UGT2B17: variants seen among roughly 807,000 people sequenced by gnomAD.
UGT2B17 encodes the protein UDP-glucuronosyltransferase 2B17.
Under a neutral mutation model 48.2 loss-of-function variants are expected in UGT2B17, and 21 were observed. The ratio of observed to expected loss-of-function variants is 0.44; its 90% CI spans 0.31 to 0.63. UGT2B17 has a LOEUF of 0.63. UGT2B17 is among the 20% of genes least tolerant of loss of function. The pLI is 0.08. For synonymous variants in UGT2B17, 146 were observed against 238.4 expected (o/e 0.61, Z 3.57); for missense variants, 402 against 696.1 (o/e 0.58, Z 4.75).
At chr4:68,573,369 GTT>G (rs751304664) in intron 1 of UGT2B17, among the ~76,000 whole-genome samples, 6 of 112,214 alleles carry the variant, frequency 5.3e-5, no homozygotes, top group Non-Finnish European at 7.3e-5. Flanking sequence ...GCCGACATGA[GTT>G]TTTTTTTTTT....
intron 1 of UGT2B17, 40 bp from the exon 2 acceptor site, chr4:68,568,588 A>G (rs1731249426): frequency 3.4e-6 from 4 of 1,190,526 alleles, no homozygotes; most frequent in Non-Finnish European, 4.2e-6. Context: ...AACTGCTAAA[A>G]TTTGAGTTGA....
rs187515201 is a variant in UGT2B17, at chr4:68,566,553, C to T, written c.725-833G>A. Among the ~76,000 whole-genome samples the T allele has an allele frequency of 6.3e-3, 805 of 127,994 alleles. 1 individual carries two copies. The highest frequency in any genetic ancestry group is 0.016 in the Middle Eastern group (4 of 252). 84.0% of individuals were successfully genotyped at this position (127,994 alleles called of 152,430 possible). A position where few individuals can be genotyped will look rare whatever the true frequency, so the allele number is the denominator to read the frequency against. ...ATAGTTTTATAAGTGTCTGGTATTT[C>T]CCCTGCTTGCACTTCTCTCTCCTGC... On this transcript the variant is annotated intron_variant, in intron 2 of 6. Transcript: ENST00000317746.
chr4:68,563,044 C>T lies in UGT2B17; in HGVS notation c.874-2376G>A, dbSNP rs767381915. ...TCCAGAGTTTTTTAACGAATATTTG[C>T]TACTAATATTGAATCTTACCATCAT... On this transcript the variant is annotated intron_variant, in intron 3 of 6. Coordinates refer to ENST00000317746, the MANE Select transcript of UGT2B17 (RefSeq NM_001077.4). Among the ~76,000 whole-genome samples the T allele has an allele frequency of 2.5e-4, 31 of 126,384 alleles. 8 individuals are homozygous for T. Among genetic ancestry groups the T allele is most frequent in the Non-Finnish European group, 4.5e-4 (27 of 59,698 alleles). 82.9% of individuals were successfully genotyped at this position (126,384 alleles called of 152,430 possible).
At chr4:68,539,000 A>G (rs1400235675) in intron 6 of UGT2B17, among the ~76,000 whole-genome samples, 1 of 125,772 alleles carries the variant, frequency 8.0e-6, no homozygotes, top group African/African-American at 2.7e-5. Flanking sequence ...TCCTGGCCAC[A>G]CTATAGGCAC....
rs1187073871 is a variant in UGT2B17, at chr4:68,546,390, A to C, written c.1313+4287T>G. ...AAATTCAACAACACTTCATGCTAAA[A>C]ACTCTCAATAAATTAGGTATTGATG... On this transcript the variant is annotated intron_variant, in intron 6 of 6. Coordinates refer to ENST00000317746, the MANE Select transcript of UGT2B17 (RefSeq NM_001077.4). Among the ~76,000 whole-genome samples the C allele has an allele frequency of 3.2e-5, 4 of 126,640 alleles. 1 individual carries two copies. Among genetic ancestry groups the C allele is most frequent in the Non-Finnish European group, 6.7e-5 (4 of 59,764 alleles). 83.1% of individuals were successfully genotyped at this position (126,640 alleles called of 152,430 possible). A position where few individuals can be genotyped will look rare whatever the true frequency, so the allele number is the denominator to read the frequency against.
Position 68,546,304 on chromosome 4 carries a change from A to C in UGT2B17, c.1313+4373T>G, listed in dbSNP as rs1262613978. On this transcript the variant is annotated intron_variant, in intron 6 of 6. Transcript: ENST00000317746. The stretch of plus-strand genomic sequence containing the variant: ...ATCAATGAATGTAATCCAGCACATA[A>C]ACAGAACCAATGACAAAAACCACAT... 3.9e-5 allele frequency among the ~76,000 whole-genome samples: 5 copies of C among 126,622 alleles called. 1 individual carries two copies. Among genetic ancestry groups the C allele is most frequent in the African/African-American group, 1.3e-4 (5 of 37,104 alleles). 83.1% of individuals were successfully genotyped at this position (126,622 alleles called of 152,430 possible).
rs1461205835 is a variant in UGT2B17, at chr4:68,559,702, C to T, written c.1005+835G>A. ...AATACACAAAGATTGTAGGTATATTCTATAGATTAGAAAATAAGTTCCTAC... is the reference window on the plus strand; with the variant it reads ...AATACACAAAGATTGTAGGTATATTTTATAGATTAGAAAATAAGTTCCTAC... On this transcript the variant is annotated intron_variant, in intron 4 of 6. Coordinates refer to ENST00000317746, the MANE Select transcript of UGT2B17 (RefSeq NM_001077.4). 2.4e-5 allele frequency among the ~76,000 whole-genome samples: 3 copies of T among 124,970 alleles called. 1 individual carries two copies. In the South Asian group the frequency reaches 1.1e-3, roughly 46 times the overall value. 82.0% of individuals were successfully genotyped at this position (124,970 alleles called of 152,430 possible). A position where few individuals can be genotyped will look rare whatever the true frequency, so the allele number is the denominator to read the frequency against.
Position 68,537,345 on chromosome 4 carries a change from A to C in UGT2B17, c.*280T>G. ...GTGTGAAACATAAGGAAGCTCAGTA[A>C]CTTTTGTGTGGGGTAACTTTTGGAT... On this transcript the variant is annotated 3_prime_UTR_variant, in exon 7 of 7. Transcript: ENST00000317746. 1 of 191,742 alleles carries C rather than the reference A, an allele frequency of 5.2e-6. No homozygotes were observed. The highest frequency in any genetic ancestry group is 9.3e-6 in the Non-Finnish European group (1 of 108,076). 11.9% of individuals were successfully genotyped at this position (191,742 alleles called of 1,614,324 possible).
chr4:68,546,631 A>C (rs1730814357), intron 6 of UGT2B17, among the ~76,000 whole-genome samples: 1 of 126,112 alleles, frequency 7.9e-6, no homozygotes, highest in Non-Finnish European at 1.7e-5. Context: ...AGAGGAAGTC[A>C]AATTGTCCCT....
intron 3 of UGT2B17, among the ~76,000 whole-genome samples, 176 bp from the exon 4 acceptor site, chr4:68,560,844 T>C (rs1366652190): frequency 7.9e-6 from 1 of 126,426 alleles, no homozygotes; most frequent in Non-Finnish European, 1.7e-5. Flanking sequence ...ATATGTGGGA[T>C]CTTTCATGCA....
chr4:68,561,630 C>T lies in UGT2B17; in HGVS notation c.874-962G>A, dbSNP rs543304355. 2.0e-4 allele frequency among the ~76,000 whole-genome samples: 25 copies of T among 122,284 alleles called. 8 individuals are homozygous for T. The South Asian group carries it at 9.8e-3, about 48-fold the overall frequency. The allele number at this position is 122,284 out of a possible 152,430, so 80.2% of individuals were successfully genotyped here. ...TTCTCCAGTGGAGATCTGCTCACCCCCTAGAGTAGCTCCCTCACACTATAT... is the reference window on the plus strand; with the variant it reads ...TTCTCCAGTGGAGATCTGCTCACCCTCTAGAGTAGCTCCCTCACACTATAT... On this transcript the variant is annotated intron_variant, in intron 3 of 6. Transcript: ENST00000317746.
At chr4:68,573,391 A>T (rs1428694257) in intron 1 of UGT2B17, among the ~76,000 whole-genome samples, 1 of 122,884 alleles carries the variant, frequency 8.1e-6, no homozygotes, top group African/African-American at 2.8e-5. Context: ...TTTTTAACTC[A>T]TGAAAAGCTC....
chr4:68,570,426 C>T lies in UGT2B17; in HGVS notation c.-64-1878G>A, dbSNP rs1731280985. Among the ~76,000 whole-genome samples the T allele has an allele frequency of 1.6e-5, 2 of 126,594 alleles. 1 individual carries two copies. Among genetic ancestry groups the T allele is most frequent in the Non-Finnish European group, 3.4e-5 (2 of 59,572 alleles). 83.1% of individuals were successfully genotyped at this position (126,594 alleles called of 152,430 possible). A position where few individuals can be genotyped will look rare whatever the true frequency, so the allele number is the denominator to read the frequency against. On this transcript the variant is annotated intron_variant, in intron 1 of 6. Coordinates refer to ENST00000317746, the MANE Select transcript of UGT2B17 (RefSeq NM_001077.4). ...AACTACTGGGTTTAGGTCAGGCAGG[C>T]CCAGGCCTGGTTTCAGGCCTGGAGC...
intron 3 of UGT2B17, among the ~76,000 whole-genome samples, chr4:68,562,680 T>A (rs1731125977): frequency 7.9e-6 from 1 of 126,358 alleles, no homozygotes; most frequent in African/African-American, 2.7e-5. Context: ...AGTAGTCTTG[T>A]AAAAGTATGA....
At chr4:68,549,615 C>T (rs1255362451) in intron 6 of UGT2B17, among the ~76,000 whole-genome samples, 2 of 125,256 alleles carry the variant, frequency 1.6e-5, no homozygotes, top group African/African-American at 5.4e-5. Flanking sequence ...ACTTTACACA[C>T]ACTAGAAAGG....
rs1201564114 is a variant in UGT2B17, at chr4:68,575,585, C to T, written c.-65+366G>A. Reference sequence around the variant, plus strand: ...GAGACAAAACACCATGCTCACAGCACACACACACCACAAAACAAAGAACGG... The same window carrying T: ...GAGACAAAACACCATGCTCACAGCATACACACACCACAAAACAAAGAACGG... On this transcript the variant is annotated intron_variant, in intron 1 of 6. Coordinates refer to ENST00000317746, the MANE Select transcript of UGT2B17 (RefSeq NM_001077.4). Among the ~76,000 whole-genome samples the T allele has an allele frequency of 1.6e-5, 2 of 125,748 alleles. 1 individual carries two copies. The highest frequency in any genetic ancestry group is 3.4e-5 in the Non-Finnish European group (2 of 59,514). The allele number at this position is 125,748 out of a possible 152,430, so 82.5% of individuals were successfully genotyped here.
Position 68,537,875 on chromosome 4 carries a change from C to A in UGT2B17, c.1343G>T (p.Arg448Ile), listed in dbSNP as rs764242431. The A allele has an allele frequency of 1.5e-6, 2 of 1,369,802 alleles. No homozygotes were observed. Among genetic ancestry groups the A allele is most frequent in the Admixed American group, 2.0e-5 (1 of 49,122 alleles). The allele number at this position is 1,369,802 out of a possible 1,614,324, so 84.9% of individuals were successfully genotyped here. ...IYKENIMKLS[R>I]IHHDQPVKPL... ...CTTCACCGGTTGATCATGATGAATT[C>A]TTGATAATTTCATGATATTCTCTTT... Residue 448 changes from arginine to isoleucine, a missense_variant, in exon 7 of 7, where the codon AGA becomes ATA. Transcript: ENST00000317746.
intron 6 of UGT2B17, among the ~76,000 whole-genome samples, chr4:68,541,568 C>G (rs1202835493): frequency 7.9e-6 from 1 of 126,090 alleles, no homozygotes; most frequent in Non-Finnish European, 1.7e-5. Context: ...GGATAGATTG[C>G]AAAAATGTTC....
At position 68,557,460 on chromosome 4, in the gene UGT2B17, A is replaced by T. The variant is rs1731022953; in HGVS notation, c.1005+3077T>A. On this transcript the variant is annotated intron_variant, in intron 4 of 6. Coordinates refer to ENST00000317746, the MANE Select transcript of UGT2B17 (RefSeq NM_001077.4). ...GAACAGGAATTAACTACATGGACTGAAATAATAGAAAACTAAAGTAATCTT... is the reference window on the plus strand; with the variant it reads ...GAACAGGAATTAACTACATGGACTGTAATAATAGAAAACTAAAGTAATCTT... 2.4e-5 allele frequency among the ~76,000 whole-genome samples: 3 copies of T among 125,292 alleles called. 1 individual carries two copies. The highest frequency in any genetic ancestry group is 5.1e-5 in the Non-Finnish European group (3 of 59,166). 82.2% of individuals were successfully genotyped at this position (125,292 alleles called of 152,430 possible).
Sources: allele counts gnomAD v4.1 joint callset (sites outside exome capture counted in the v4.1 genomes callset), GRCh38; gene constraint gnomAD v4.1.1; transcripts MANE v1.5; gene names NCBI Gene and HGNC (gene_info 2026-07-23, HGNC 2026-07-21).